ZBTB44: variants seen among roughly 807,000 people sequenced by gnomAD.
ZBTB44 encodes zinc finger and BTB domain-containing protein 44.
ZBTB44 carries 15 observed loss-of-function variants against 54.0 expected under a neutral mutation model. The ratio of observed to expected loss-of-function variants is 0.28; its 90% CI spans 0.19 to 0.43. The LOEUF is 0.43. ZBTB44 is among the 20% of genes least tolerant of loss of function. The probability of loss-of-function intolerance (pLI) is 1.00; values close to 1 mark genes in which losing one functional copy is unlikely to be tolerated. For synonymous variants in ZBTB44, 230 were observed against 250.1 expected, an observed-to-expected ratio of 0.92 and a Z score of 0.76; for missense variants, 487 against 707.1, an observed-to-expected ratio of 0.69 and a Z score of 3.53.
intron 1 of ZBTB44, chr11:130,296,211 G>C (rs1340052972): frequency 6.2e-6 from 8 of 1,296,352 alleles, no homozygotes; most frequent in Admixed American, 1.9e-5. Context: ...GTATGTTAGT[G>C]TTGATGATGA....
chr11:130,249,537 T>C (rs548323245), intron 2 of ZBTB44, among the ~76,000 whole-genome samples: 9 of 152,210 alleles, frequency 5.9e-5, no homozygotes, highest in Non-Finnish European at 8.8e-5. Context: ...AGCTCCAGTC[T>C]GCAGCTCCCA....
intron 1 of ZBTB44, chr11:130,296,770 G>A (rs1445705493): frequency 1.3e-6 from 1 of 792,520 alleles, no homozygotes; most frequent in Non-Finnish European, 2.3e-6. Flanking sequence ...TACTTTCTTT[G>A]TAAGTCAGCC....
intron 1 of ZBTB44, among the ~76,000 whole-genome samples, chr11:130,303,919 A>G (rs1432937382): frequency 6.6e-6 from 1 of 152,206 alleles, no homozygotes; most frequent in East Asian, 1.9e-4. Context: ...TCAACGTGAA[A>G]CAACATGATA....
intron 2 of ZBTB44, among the ~76,000 whole-genome samples, chr11:130,252,745 C>A (rs1000682294): frequency 4.6e-5 from 7 of 152,140 alleles, no homozygotes; most frequent in Non-Finnish European, 8.8e-5. Flanking sequence ...GATACCAAAG[C>A]CTGGCAGAGA....
chr11:130,313,957 TA>T (rs778045360), intron 1 of ZBTB44, among the ~76,000 whole-genome samples: 2,222 of 149,284 alleles, frequency 0.015, 25 homozygotes, highest in Non-Finnish European at 0.022. Context: ...TGTATATATA[TA>T]TATATATATT....
At chr11:130,258,858 T>G (rs1468448229) in intron 2 of ZBTB44, among the ~76,000 whole-genome samples, 1 of 152,214 alleles carries the variant, frequency 6.6e-6, no homozygotes, top group Admixed American at 6.5e-5. Context: ...CTGATTATAT[T>G]GCAGATTCAC....
At position 130,242,236 on chromosome 11, in the gene ZBTB44, A is replaced by G. The variant is rs537601010; in HGVS notation, c.1019-2340T>C. Reference sequence around the variant, plus strand: ...AAATTAGAGATATACTTTGTTTACCAAAGTCTAAAGTTAAAACCTTTACTT... The same window carrying G: ...AAATTAGAGATATACTTTGTTTACCGAAGTCTAAAGTTAAAACCTTTACTT... On this transcript the variant is annotated intron_variant, in intron 2 of 7. Transcript: ENST00000357899. Among the ~76,000 whole-genome samples the G allele has an allele frequency of 4.6e-5, 7 of 152,358 alleles. No individual in the cohort carries two copies. In the East Asian group the frequency reaches 1.2e-3, roughly 25 times the overall value.
chr11:130,254,394 C>T (rs1938269897), intron 2 of ZBTB44, among the ~76,000 whole-genome samples: 2 of 152,030 alleles, frequency 1.3e-5, no homozygotes, highest in Non-Finnish European at 2.9e-5. Context: ...CAACAACAAC[C>T]CCATCAGAAA....
chr11:130,246,825 A>C (rs566764566), intron 2 of ZBTB44, among the ~76,000 whole-genome samples: 2 of 152,188 alleles, frequency 1.3e-5, no homozygotes, highest in Non-Finnish European at 2.9e-5. Flanking sequence ...GGGGAACATA[A>C]ACAGTCTCAC....
chr11:130,298,307 T>C (rs996785870), intron 1 of ZBTB44, among the ~76,000 whole-genome samples: 1 of 151,792 alleles, frequency 6.6e-6, no homozygotes, highest in Non-Finnish European at 1.5e-5. Flanking sequence ...CTCACCCAGA[T>C]GATTTTTGTA....
intron 1 of ZBTB44, chr11:130,295,861 A>C: frequency 7.1e-7 from 1 of 1,416,256 alleles, no homozygotes; most frequent in Admixed American, 1.7e-5. Context: ...TGGTGTTCTT[A>C]AGGAGCTAAA....
intron 5 of ZBTB44, among the ~76,000 whole-genome samples, chr11:130,235,488 A>G (rs1954069051): frequency 6.6e-6 from 1 of 152,230 alleles, no homozygotes; most frequent in African/African-American, 2.4e-5. Flanking sequence ...CTACGCAGGA[A>G]TAATTTGGAA....
Position 130,312,839 on chromosome 11 carries a change from T to C in ZBTB44, c.-57+1536A>G, listed in dbSNP as rs117530031. Among the ~76,000 whole-genome samples, 569 of 152,328 alleles carry C rather than the reference T, an allele frequency of 3.7e-3. 4 individuals carry two copies. Among genetic ancestry groups the C allele is most frequent in the Non-Finnish European group, 6.5e-3 (444 of 68,032 alleles). ...TAATTTTGATAGGCATTAATAATGA[T>C]ACTGGGGTTAGTAGGAGAATGTCCC... On this transcript the variant is annotated intron_variant, in intron 1 of 7. Transcript: ENST00000357899.
intron 1 of ZBTB44, among the ~76,000 whole-genome samples, chr11:130,278,871 A>C (rs1051682039): frequency 6.6e-6 from 1 of 152,146 alleles, no homozygotes; most frequent in African/African-American, 2.4e-5. Context: ...TTCTGTGAAC[A>C]CACTTATGAT....
intron 1 of ZBTB44, among the ~76,000 whole-genome samples, chr11:130,268,508 T>TC (rs1939424699): frequency 6.6e-6 from 1 of 152,166 alleles, no homozygotes; most frequent in Non-Finnish European, 1.5e-5. Context: ...TAATCCCAGC[T>TC]ACTCAGGAAG....
intron 1 of ZBTB44, chr11:130,285,760 C>T (rs532206028): frequency 5.7e-4 from 128 of 222,658 alleles, no homozygotes; most frequent in Admixed American, 1.3e-3. Context: ...CAAACCAGTT[C>T]ATGCCCACAT....
chr11:130,243,465 T>C lies in ZBTB44; in HGVS notation c.1019-3569A>G, dbSNP rs1050859760. 3.9e-5 allele frequency among the ~76,000 whole-genome samples: 6 copies of C among 152,392 alleles called. No individual in the cohort carries two copies. The South Asian group carries it at 1.2e-3, about 32-fold the overall frequency. On this transcript the variant is annotated intron_variant, in intron 2 of 7. Coordinates refer to ENST00000357899, the MANE Select transcript of ZBTB44 (RefSeq NM_001301098.2). ...TTCCTTGGCCTACCCACTCAAAGTC[T>C]GTGTTGTAACAATTTGTAAGTGGTC...
At chr11:130,241,273 T>C (rs528575390) in intron 2 of ZBTB44, among the ~76,000 whole-genome samples, 4 of 152,342 alleles carry the variant, frequency 2.6e-5, no homozygotes, top group Admixed American at 6.5e-5. Flanking sequence ...TCTTCAACTT[T>C]ATTAGAAAAT....
intron 1 of ZBTB44, among the ~76,000 whole-genome samples, chr11:130,288,444 C>T (rs2134337791): frequency 6.6e-6 from 1 of 152,006 alleles, no homozygotes; most frequent in East Asian, 1.9e-4. Context: ...CTCTGGAAAA[C>T]TCCATTGTAT....
Sources: gnomAD v4.1 joint callset for allele counts (sites outside exome capture counted in the v4.1 genomes callset) on GRCh38, gnomAD v4.1.1 for gene constraint, MANE v1.5 for transcripts, NCBI Gene and HGNC (gene_info 2026-07-23, HGNC 2026-07-21) for gene names.